The following DEK variants were observed in gnomAD, a reference collection of about 807,000 sequenced individuals.
DEK encodes protein DEK.
DEK carries 28 observed loss-of-function variants against 46.8 expected under a neutral mutation model. That is an observed-to-expected ratio of 0.60 (90% CI 0.44 to 0.82). The LOEUF is 0.82. Ranked by LOEUF, DEK falls within the 40% of genes least tolerant of loss-of-function variation. The pLI is 0.00. For synonymous variants in DEK, 160 were observed against 144.5 expected (o/e 1.11, Z -0.77); for missense variants, 416 against 430.6 (o/e 0.97, Z 0.30).
chr6:18,238,326 G>T (rs542378420), intron 7 of DEK, among the ~76,000 whole-genome samples: 46 of 152,280 alleles, frequency 3.0e-4, no homozygotes, highest in Admixed American at 1.4e-3. Context: ...TTCAAATATA[G>T]ATGTGACTCC....
At chr6:18,237,605 AT>A in intron 7 of DEK, 89 bp from the exon 8 acceptor site, 1 of 1,449,930 alleles carries the variant, frequency 6.9e-7, no homozygotes, top group South Asian at 1.5e-5. Context: ...CCCCTTAATA[AT>A]ATTAGAGAAA....
chr6:18,236,707 TC>T (rs1338299087), intron 8 of DEK, 107 bp from the exon 9 acceptor site: 3 of 755,454 alleles, frequency 4.0e-6, no homozygotes, highest in Non-Finnish European at 5.7e-6. Flanking sequence ...GGGTACTGGA[TC>T]AAAAAAATTA....
intron 9 of DEK, among the ~76,000 whole-genome samples, chr6:18,233,966 A>T (rs888926421): frequency 1.3e-5 from 2 of 152,184 alleles, no homozygotes; most frequent in Non-Finnish European, 2.9e-5. Flanking sequence ...GACTGGATTA[A>T]GAAAATGTGG....
chr6:18,248,985 A>G (rs2151088609), intron 7 of DEK, among the ~76,000 whole-genome samples: 1 of 147,640 alleles, frequency 6.8e-6, no homozygotes, highest in Non-Finnish European at 1.5e-5. Context: ...CATCATTAAC[A>G]ATAATAGAAA....
Position 18,247,252 on chromosome 6 carries a change from T to C in DEK, c.762+2399A>G, listed in dbSNP as rs144946299. ...GCTAAATTTAAAGCAACAATGCTTG[T>C]TGGAGAGACATTTATCAGGGAAAAA... On this transcript the variant is annotated intron_variant, in intron 7 of 10. Transcript: ENST00000652689. Among the ~76,000 whole-genome samples, 42 of 152,274 alleles carry C rather than the reference T, an allele frequency of 2.8e-4. No homozygotes were observed. In the East Asian group the frequency reaches 7.7e-3, roughly 28 times the overall value.
intron 9 of DEK, among the ~76,000 whole-genome samples, chr6:18,227,690 C>T (rs1790204060): frequency 6.6e-6 from 1 of 152,156 alleles, no homozygotes; most frequent in Admixed American, 6.5e-5. Context: ...GGCAACCCAC[C>T]CCTTCAACAG....
chr6:18,264,457 C>A lies in DEK; in HGVS notation c.-82G>T. 3.5e-6 allele frequency: 1 copy of A among 283,026 alleles called. No homozygotes were observed. The highest frequency in any genetic ancestry group is 7.2e-6 in the Non-Finnish European group (1 of 139,850). 17.5% of individuals were successfully genotyped at this position (283,026 alleles called of 1,614,324 possible). A position where few individuals can be genotyped will look rare whatever the true frequency, so the allele number is the denominator to read the frequency against. ...TTCTGGGAGGCGGCGGCGGCCGACG[C>A]CGAGGAGAAGGCGCGCGGGCCGCTG... On this transcript the variant is annotated 5_prime_UTR_variant, in exon 1 of 11. Transcript: ENST00000652689.
chr6:18,263,926 TTCTC>T lies in DEK; in HGVS notation c.58_61del (p.Glu20LysfsTer43). 2 of 1,612,500 alleles carry T rather than the reference TTCTC, an allele frequency of 1.2e-6. No individual in the cohort carries two copies. Among genetic ancestry groups the T allele is most frequent in the Non-Finnish European group, 1.7e-6 (2 of 1,179,274 alleles). ...TCTGGGACCGGGCATTTCGGGTTCT[TTCTC>T]GGACGCGGGCTGGGTGGGGGTTCCC... On this transcript the variant is annotated frameshift_variant, in exon 2 of 11. Coordinates refer to ENST00000652689, the MANE Select transcript of DEK (RefSeq NM_003472.4). LOFTEE classifies it high-confidence loss of function.
intron 6 of DEK, among the ~76,000 whole-genome samples, chr6:18,251,038 A>C (rs1378669073): frequency 6.6e-6 from 1 of 152,230 alleles, no homozygotes; most frequent in Non-Finnish European, 1.5e-5. Flanking sequence ...GATGAAAATG[A>C]GTTGATTACA....
chr6:18,250,062 T>C lies in DEK; in HGVS notation c.574-223A>G, dbSNP rs557266074. ...CACCTAGCAAGACCCTTCTCAATTG[T>C]AGAGAAATATGTATTCTAGGTTCTG... On this transcript the variant is annotated intron_variant, in intron 6 of 10. Coordinates refer to ENST00000652689, the MANE Select transcript of DEK (RefSeq NM_003472.4). Among the ~76,000 whole-genome samples, 7 of 152,278 alleles carry C rather than the reference T, an allele frequency of 4.6e-5. No individual in the cohort carries two copies. The South Asian group carries it at 1.2e-3, about 27-fold the overall frequency.
At chr6:18,259,101 C>T (rs207466753) in intron 2 of DEK, among the ~76,000 whole-genome samples, 2 of 151,720 alleles carry the variant, frequency 1.3e-5, no homozygotes, top group African/African-American at 4.9e-5. Flanking sequence ...GAGGCTGAGG[C>T]GGGCGGATAA....
chr6:18,238,449 A>G (rs377507698), intron 7 of DEK, among the ~76,000 whole-genome samples: 93 of 152,066 alleles, frequency 6.1e-4, no homozygotes, highest in African/African-American at 2.2e-3. Flanking sequence ...CTGTAATTCC[A>G]GCACTTTGGG....
chr6:18,239,005 A>G lies in DEK; in HGVS notation c.763-1489T>C, dbSNP rs1582267345. Reference sequence around the variant, plus strand: ...AATGGCATGATCTCGGCTCACCGCAACCTCTGCCTCCCGGGTTCAAGTGAT... The same window carrying G: ...AATGGCATGATCTCGGCTCACCGCAGCCTCTGCCTCCCGGGTTCAAGTGAT... On this transcript the variant is annotated intron_variant, in intron 7 of 10. Transcript: ENST00000652689. 2.0e-5 allele frequency among the ~76,000 whole-genome samples: 3 copies of G among 151,866 alleles called. No individual in the cohort carries two copies. In the South Asian group the frequency reaches 6.2e-4, roughly 32 times the overall value.
At chr6:18,232,226 A>G (rs1712230133) in intron 9 of DEK, among the ~76,000 whole-genome samples, 1 of 152,214 alleles carries the variant, frequency 6.6e-6, no homozygotes, top group South Asian at 2.1e-4. Flanking sequence ...AAAATAATAA[A>G]GAGCTATTTA....
At chr6:18,247,998 G>C (rs1469484840) in intron 7 of DEK, among the ~76,000 whole-genome samples, 1 of 152,068 alleles carries the variant, frequency 6.6e-6, no homozygotes, top group Non-Finnish European at 1.5e-5. Flanking sequence ...CCTGCACCTA[G>C]TAATGACAAG....
intron 7 of DEK, among the ~76,000 whole-genome samples, chr6:18,241,153 C>T (rs139244606): frequency 1.1e-3 from 165 of 152,210 alleles, no homozygotes; most frequent in African/African-American, 3.8e-3. Flanking sequence ...TTCATCACTT[C>T]GGCTGCCCTG....
intron 9 of DEK, among the ~76,000 whole-genome samples, chr6:18,226,690 G>C (rs1790141489): frequency 6.6e-6 from 1 of 152,188 alleles, no homozygotes; most frequent in African/African-American, 2.4e-5. Context: ...TGAAGCAGGA[G>C]GATGGCTTGG....
chr6:18,237,334 A>T, intron 8 of DEK, 47 bp downstream of exon 8: 2 of 1,558,312 alleles, frequency 1.3e-6, no homozygotes. Flanking sequence ...ACATATTAAT[A>T]TATGCTATAT....
rs757570029 is a variant in DEK, at chr6:18,226,237, A to G, written c.1053T>C (p.Tyr351=). 5.0e-5 allele frequency: 68 copies of G among 1,355,330 alleles called. No individual in the cohort carries two copies. Among genetic ancestry groups the G allele is most frequent in the Non-Finnish European group, 6.5e-5 (66 of 1,014,790 alleles). The allele number at this position is 1,355,330 out of a possible 1,614,324, so 84.0% of individuals were successfully genotyped here. A position where few individuals can be genotyped will look rare whatever the true frequency, so the allele number is the denominator to read the frequency against. The change falls in exon 10 of 11, where the codon TAT becomes TAC. Residue 351 remains tyrosine, a synonymous_variant. Transcript: ENST00000652689. The stretch of plus-strand genomic sequence containing the variant: ...TTAAATCATAAGTAGGATAATTTTC[A>G]TAGACCTATGTATAGTGAAAAGGAA... ...VTMKQICKKV[Y]ENYPTYDLTE... is the part of the protein sequence containing the mutation.
Sources: allele counts gnomAD v4.1 joint callset (sites outside exome capture counted in the v4.1 genomes callset), GRCh38; gene constraint gnomAD v4.1.1; transcripts MANE v1.5; gene names NCBI Gene and HGNC (gene_info 2026-07-23, HGNC 2026-07-21).